The following SURF4 variants were observed in gnomAD, a reference collection of about 807,000 sequenced individuals.
SURF4 encodes surfeit 4, also known as surfeit locus protein 4.
SURF4 carries 3 observed loss-of-function variants against 30.0 expected under a neutral mutation model. The ratio of observed to expected loss-of-function variants is 0.10; its 90% CI spans 0.05 to 0.26. SURF4 has a LOEUF of 0.26. Among genes scored for constraint, SURF4 ranks in the 10% least tolerant of loss-of-function variants. SURF4 has a pLI of 1.00. For synonymous variants in SURF4, 143 were observed against 139.9 expected (o/e 1.02, Z -0.16); for missense variants, 217 against 350.8 (o/e 0.62, Z 3.05).
At chr9:133,364,497 C>G (rs1837039637) in intron 5 of SURF4, among the ~76,000 whole-genome samples, 1 of 152,096 alleles carries the variant, frequency 6.6e-6, no homozygotes, top group Admixed American at 6.5e-5. Flanking sequence ...TCGAGACCAT[C>G]CTGGCTAACA....
chr9:133,372,671 T>C, intron 1 of SURF4: 1 of 983,502 alleles, frequency 1.0e-6, no homozygotes, highest in Non-Finnish European at 1.2e-6. Flanking sequence ...TGTGAAAAAA[T>C]GGATGTGTCA....
Position 133,363,499 on chromosome 9 carries a change from C to G in SURF4, c.804G>C (p.Glu268Asp). ...AGGTAGGGATCTGTGACTGTTACCA[C>G]TCCTTCTTCTTCTCATCCATGGAGA... is the stretch of plus-strand genomic sequence containing the variant. ...GGVSMDEKKK[E>D]W Residue 268 changes from glutamate (E) to aspartate (D), a missense_variant, in exon 6 of 6, where the codon GAG (glutamate) becomes GAC (aspartate). Physicochemically the swap from Glu to Asp is conservative, Grantham distance 45. Transcript: ENST00000371989. This position sits in a 1 kb window ranked among gnomAD's most constrained non-coding sequence, Gnocchi z 4.3. 3 of 1,614,236 alleles carry G rather than the reference C, an allele frequency of 1.9e-6. No individual in the cohort carries two copies. The highest frequency in any genetic ancestry group is 2.5e-6 in the Non-Finnish European group (3 of 1,180,048).
In SURF4 at chr9:133,375,914, G is replaced by A. The variant is rs1386386884; in HGVS notation, c.48+8C>T. On this transcript the variant is annotated splice_region_variant and intron_variant, in intron 1 of 5. Transcript: ENST00000371989. Reference sequence around the variant, plus strand: ...ACCGGGGCCGGGGGAGGAGCCCGCAGGCCGCACCTGGTCGGCGAAGTCCTC... The same window carrying A: ...ACCGGGGCCGGGGGAGGAGCCCGCAAGCCGCACCTGGTCGGCGAAGTCCTC... 1.6e-6 allele frequency: 2 copies of A among 1,226,198 alleles called. No homozygotes were observed. The highest frequency in any genetic ancestry group is 2.0e-6 in the Non-Finnish European group (2 of 981,236). 76.0% of individuals were successfully genotyped at this position (1,226,198 alleles called of 1,614,324 possible).
intron 4 of SURF4, among the ~76,000 whole-genome samples, 188 bp downstream of exon 4, chr9:133,365,797 A>G (rs1564362724): frequency 6.6e-6 from 1 of 152,236 alleles, no homozygotes; most frequent in South Asian, 2.1e-4. Flanking sequence ...GTATATTTGC[A>G]TTATATACTT....
chr9:133,375,780 C>A (rs1266415570), intron 1 of SURF4, 142 bp downstream of exon 1: 10 of 869,412 alleles, frequency 1.2e-5, no homozygotes, highest in Non-Finnish European at 1.4e-5. Flanking sequence ...GGACAGAGGG[C>A]CCGGGCGGGG....
intron 4 of SURF4, 88 bp from the exon 5 acceptor site, chr9:133,365,114 G>A (rs953406824): frequency 2.4e-6 from 3 of 1,251,428 alleles, no homozygotes; most frequent in Non-Finnish European, 3.2e-6. Context: ...CTTGCTGCCA[G>A]TATAAGAAGG....
chr9:133,369,796 C>T (rs1837391553), intron 1 of SURF4, among the ~76,000 whole-genome samples: 1 of 152,260 alleles, frequency 6.6e-6, no homozygotes, highest in South Asian at 2.1e-4. Context: ...CATCGTGGCC[C>T]AGCTGGGAAG....
chr9:133,371,788 C>T (rs2130192066), intron 1 of SURF4, among the ~76,000 whole-genome samples: 2 of 152,324 alleles, frequency 1.3e-5, no homozygotes, highest in South Asian at 4.1e-4. Flanking sequence ...CCTGTGCCAC[C>T]TGCAAGTTCA....
chr9:133,372,167 T>G (rs1159677520), intron 1 of SURF4, among the ~76,000 whole-genome samples: 1 of 152,196 alleles, frequency 6.6e-6, no homozygotes, highest in Non-Finnish European at 1.5e-5. Flanking sequence ...TCTCAGCAGT[T>G]TCTACAGAGC....
chr9:133,364,808 C>T (rs1837067004), intron 5 of SURF4, 32 bp downstream of exon 5: 13 of 1,612,006 alleles, frequency 8.1e-6, no homozygotes, highest in Non-Finnish European at 1.1e-5. Context: ...TCACAGGAAA[C>T]CAGACCGGTT....
chr9:133,373,419 AT>A (rs1357039824), intron 1 of SURF4, among the ~76,000 whole-genome samples: 2 of 152,142 alleles, frequency 1.3e-5, no homozygotes, highest in Admixed American at 1.3e-4. Flanking sequence ...ACATGACAAC[AT>A]GGCAAAATGC....
At chr9:133,376,872 G>T (rs1005869553), upstream of SURF4, among the ~76,000 whole-genome samples, 4 of 152,148 alleles carry the variant, frequency 2.6e-5, no homozygotes, top group South Asian at 2.1e-4. Context: ...CAGGACCCCC[G>T]GGAACATCCC....
intron 1 of SURF4, chr9:133,371,126 C>G (rs1393801718): frequency 1.0e-6 from 1 of 985,336 alleles, no homozygotes; most frequent in Non-Finnish European, 1.2e-6. Context: ...CAGAAAACTC[C>G]ACTTTCTCTT....
intron 1 of SURF4, among the ~76,000 whole-genome samples, chr9:133,372,901 G>A (rs2130201145): frequency 2.0e-5 from 3 of 152,222 alleles, no homozygotes; most frequent in African/African-American, 7.2e-5. Flanking sequence ...GCGAGTACAA[G>A]TAGCTGCCCT....
chr9:133,370,971 G>A, intron 1 of SURF4: 9 of 1,289,210 alleles, frequency 7.0e-6, no homozygotes, highest in Non-Finnish European at 9.1e-6. Flanking sequence ...GGGCTTAACA[G>A]GAAGACTGAT....
intron 1 of SURF4, among the ~76,000 whole-genome samples, chr9:133,368,092 A>C (rs916220363): frequency 2.0e-5 from 3 of 152,092 alleles, no homozygotes; most frequent in African/African-American, 4.8e-5. Flanking sequence ...GCTATATTAA[A>C]CCCAGCGGGA....
rs2130089651 is a variant in SURF4, at chr9:133,363,644, T to C, written c.659A>G (p.Asn220Ser). The change falls in exon 6 of 6, where the codon AAC (asparagine) becomes AGC (serine). Residue 220 changes from asparagine (N) to serine (S), a missense_variant. By Grantham distance (46) the Asn-to-Ser change is conservative. Transcript: ENST00000371989. This position sits in a 1 kb window ranked among gnomAD's most constrained non-coding sequence, Gnocchi z 4.3. ...GTAGACTGGAATGGTCCAGAAGGCG[T>C]TGAAATATACGTTGATGGCAAAGAG... is the stretch of plus-strand genomic sequence containing the variant. ...VWLFAINVYF[N>S]AFWTIPVYKP... 6.8e-6 allele frequency: 11 copies of C among 1,613,968 alleles called. No homozygotes were observed. In the East Asian group the frequency reaches 1.1e-4, roughly 16 times the overall value.
intron 3 of SURF4, 42 bp downstream of exon 3, chr9:133,366,557 C>T (rs1315868476): frequency 2.5e-6 from 4 of 1,592,792 alleles, no homozygotes; most frequent in Non-Finnish European, 3.4e-6. Flanking sequence ...TCTGCTCCAC[C>T]AGAGCAAAGA....
Position 133,362,755 on chromosome 9 carries a change from C to G in SURF4, c.*738G>C, listed in dbSNP as rs1443432955. The G allele has an allele frequency of 1.3e-5, 2 of 154,670 alleles. No homozygotes were observed. The highest frequency in any genetic ancestry group is 2.9e-5 in the Non-Finnish European group (2 of 69,750). 9.6% of individuals were successfully genotyped at this position (154,670 alleles called of 1,614,324 possible). A position where few individuals can be genotyped will look rare whatever the true frequency, so the allele number is the denominator to read the frequency against. Reference sequence around the variant, plus strand: ...TTCCCACTGCCAGCTTGGAGGCCAGCAGCACCCAGACCAGCAGCTTCCCCA... The same window carrying G: ...TTCCCACTGCCAGCTTGGAGGCCAGGAGCACCCAGACCAGCAGCTTCCCCA... On this transcript the variant is annotated 3_prime_UTR_variant, in exon 6 of 6. Transcript: ENST00000371989.
Sources: allele counts gnomAD v4.1 joint callset (sites outside exome capture counted in the v4.1 genomes callset), GRCh38; gene constraint gnomAD v4.1.1; non-coding constraint Gnocchi (gnomAD v3.1); transcripts MANE v1.5; gene names NCBI Gene and HGNC (gene_info 2026-07-23, HGNC 2026-07-21).